The following SYTL4 variants were observed in gnomAD, a reference collection of about 807,000 sequenced individuals.
SYTL4 encodes the protein synaptotagmin like 4.
Under a neutral mutation model 52.7 loss-of-function variants are expected in SYTL4, and 16 were observed. The ratio of observed to expected loss-of-function variants is 0.30; its 90% confidence interval spans 0.21 to 0.46. SYTL4 has a LOEUF of 0.46. Among genes scored for constraint, SYTL4 ranks in the 20% least tolerant of loss-of-function variants. The probability of loss-of-function intolerance (pLI) is 1.00; values close to 1 mark genes in which losing one functional copy is unlikely to be tolerated. For missense variants in SYTL4, 423 were observed against 519.9 expected (o/e 0.81, Z 1.81); for synonymous variants, 160 against 186.6 (o/e 0.86, Z 1.16).
intron 18 of SYTL4, chrX:100,678,801 T>C: frequency 2.4e-6 from 1 of 418,562 alleles, no homozygotes; most frequent in Non-Finnish European, 4.2e-6. Context: ...TCCTTTAACC[T>C]AGAGAGAAAA....
At chrX:100,708,431 T>C (rs1308607653) in intron 2 of SYTL4, among the ~76,000 whole-genome samples, 1 of 111,491 alleles carries the variant, frequency 9.0e-6, no homozygotes, top group Non-Finnish European at 1.9e-5. Context: ...AACAACACAA[T>C]AAGCTTGATC....
chrX:100,692,571 A>G (rs1028895590), intron 8 of SYTL4, among the ~76,000 whole-genome samples: 1 of 111,941 alleles, frequency 8.9e-6, no homozygotes, highest in Admixed American at 9.5e-5. Context: ...TGGGCATTCA[A>G]AATACCAGTT....
intron 2 of SYTL4, among the ~76,000 whole-genome samples, chrX:100,706,751 G>C (rs919059414): frequency 4.1e-4 from 46 of 111,640 alleles, no homozygotes; most frequent in African/African-American, 1.5e-3. Context: ...CCATTTATGA[G>C]AGACACATCT....
intron 2 of SYTL4, among the ~76,000 whole-genome samples, chrX:100,706,154 A>G (rs778487531): frequency 7.1e-5 from 8 of 111,912 alleles, no homozygotes; most frequent in Non-Finnish European, 1.5e-4. Flanking sequence ...CAGGTTCTAC[A>G]TAATTCCTGG....
At chrX:100,699,896 T>C (rs2083812251) in intron 8 of SYTL4, among the ~76,000 whole-genome samples, 2 of 110,974 alleles carry the variant, frequency 1.8e-5, no homozygotes, top group Non-Finnish European at 3.8e-5. Flanking sequence ...ATTATTTGGC[T>C]ATAAAAAGGA....
At chrX:100,702,952 A>G (rs989220890) in intron 4 of SYTL4, 141 bp downstream of exon 4, 9 of 112,226 alleles carry the variant, frequency 8.0e-5, no homozygotes, top group Non-Finnish European at 1.7e-4. Flanking sequence ...AATTTCACAG[A>G]AGAGGTGGAT....
Position 100,686,784 on chromosome X carries a change from A to G in SYTL4, c.1185-3T>C, listed in dbSNP as rs1454738809. The G allele has an allele frequency of 8.4e-7, 1 of 1,195,368 alleles. No homozygotes were observed. Among genetic ancestry groups the G allele is most frequent in the Non-Finnish European group, 1.1e-6 (1 of 880,938 alleles). ...GCAGAAGGTAAGTCTTCACATATCT[A>G]GAAACCAAAGACAGCACTGAGTAAT... is the stretch of plus-strand genomic sequence containing the variant. On this transcript the variant is annotated splice_polypyrimidine_tract_variant and splice_region_variant and intron_variant, in intron 14 of 19. Coordinates refer to ENST00000372989, the MANE Select transcript of SYTL4 (RefSeq NM_001370165.1).
chrX:100,699,994 T>C (rs1281849004), intron 8 of SYTL4, among the ~76,000 whole-genome samples: 1 of 111,448 alleles, frequency 9.0e-6, no homozygotes, highest in Non-Finnish European at 1.9e-5. Context: ...GACCACATAT[T>C]GTATGATTCA....
intron 1 of SYTL4, among the ~76,000 whole-genome samples, 192 bp downstream of exon 1, chrX:100,731,812 G>C (rs1383070850): frequency 8.9e-6 from 1 of 111,801 alleles, no homozygotes; most frequent in Admixed American, 9.4e-5. Context: ...GGATGCGGTC[G>C]GGAGAGGCGG....
At chrX:100,721,738 T>G (rs1345423881) in intron 2 of SYTL4, among the ~76,000 whole-genome samples, 1 of 111,474 alleles carries the variant, frequency 9.0e-6, no homozygotes, top group Non-Finnish European at 1.9e-5. Flanking sequence ...TAGACCCTTC[T>G]GCTTTCACCT....
Position 100,709,406 on chromosome X carries a change from G to C in SYTL4, c.-239-4520C>G, listed in dbSNP as rs1602870318. The stretch of plus-strand genomic sequence containing the variant: ...TAGTCCCAGATACTCAGGACGCTGA[G>C]GCAGAGAATGGCTCGAACCTGGGAG... On this transcript the variant is annotated intron_variant, in intron 2 of 19. Transcript: ENST00000372989. 2.7e-5 allele frequency among the ~76,000 whole-genome samples: 3 copies of C among 112,012 alleles called. 1 individual carries two copies. In the Admixed American group the frequency reaches 2.8e-4, roughly 11 times the overall value.
chrX:100,698,070 G>T (rs1173500488), intron 8 of SYTL4, among the ~76,000 whole-genome samples: 1 of 112,029 alleles, frequency 8.9e-6, no homozygotes, highest in Non-Finnish European at 1.9e-5. Context: ...GATCACCATT[G>T]AGTTACAACC....
Position 100,701,603 on chromosome X carries a change from G to A in SYTL4, c.181C>T (p.Arg61Trp), listed in dbSNP as rs151147513. 391 of 1,209,954 alleles carry A rather than the reference G, an allele frequency of 3.2e-4. 1 individual carries two copies. The highest frequency in any genetic ancestry group is 2.9e-3 in the South Asian group (163 of 56,773). The change falls in exon 6 of 20, where the codon CGG becomes TGG. Residue 61 changes from arginine (R) to tryptophan (W), a missense_variant. Coordinates refer to ENST00000372989, the MANE Select transcript of SYTL4 (RefSeq NM_001370165.1). Reference sequence around the variant, plus strand: ...CTCTCCTGGCACCGGGCACAGGTCCGATCACTGTAGTGTTGGCTGCCCCTC... The same window carrying A: ...CTCTCCTGGCACCGGGCACAGGTCCAATCACTGTAGTGTTGGCTGCCCCTC... The part of the protein sequence containing the change: ...AKRGSQHYSD[R>W]TCARCQESLG...
intron 2 of SYTL4, among the ~76,000 whole-genome samples, chrX:100,715,545 T>C (rs1010044801): frequency 7.2e-5 from 8 of 111,803 alleles, no homozygotes; most frequent in Non-Finnish European, 1.5e-4. Flanking sequence ...TAGGAAAGAA[T>C]AAATCATTCT....
In SYTL4 at chrX:100,686,754, G is replaced by A. The variant is rs1363609407; in HGVS notation, c.1212C>T (p.Asp404=). Residue 404 remains aspartate, a synonymous_variant, in exon 15 of 20, where the codon GAC becomes GAT. Coordinates refer to ENST00000372989, the MANE Select transcript of SYTL4 (RefSeq NM_001370165.1). Reference sequence around the variant, plus strand: ...TTTTTCTTTTTCCTTGGCGGGACTTGTCAGGCAGAAGGTAAGTCTTCACAT... The same window carrying A: ...TTTTTCTTTTTCCTTGGCGGGACTTATCAGGCAGAAGGTAAGTCTTCACAT... ...NPYVKTYLLP[D]KSRQGKRKTS... The A allele has an allele frequency of 5.0e-6, 6 of 1,210,796 alleles. No homozygotes were observed. Among genetic ancestry groups the A allele is most frequent in the Non-Finnish European group, 6.7e-6 (6 of 894,675 alleles).
chrX:100,731,126 A>G (rs909428781), intron 2 of SYTL4, among the ~76,000 whole-genome samples: 1 of 111,761 alleles, frequency 8.9e-6, no homozygotes, highest in Non-Finnish European at 1.9e-5. Context: ...ACCACTTTTC[A>G]AGCCACCAGA....
Position 100,704,895 on chromosome X carries a change from C to G in SYTL4, c.-239-9G>C, listed in dbSNP as rs1401459409. ...CTTTTTTTACTAGTTCCCTACAAAACAGTGGAGAACATAAACAACACGGCA... is the reference window on the plus strand; with the variant it reads ...CTTTTTTTACTAGTTCCCTACAAAAGAGTGGAGAACATAAACAACACGGCA... On this transcript the variant is annotated splice_polypyrimidine_tract_variant and intron_variant, in intron 2 of 19. Coordinates refer to ENST00000372989, the MANE Select transcript of SYTL4 (RefSeq NM_001370165.1). The G allele has an allele frequency of 1.8e-5, 2 of 111,923 alleles. No homozygotes were observed. The highest frequency in any genetic ancestry group is 9.5e-5 in the Admixed American group (1 of 10,544). 9.2% of individuals were successfully genotyped at this position (111,923 alleles called of 1,213,427 possible).
intron 13 of SYTL4, chrX:100,688,027 G>T: frequency 5.5e-6 from 1 of 181,205 alleles, no homozygotes; most frequent in Non-Finnish European, 1.0e-5. Context: ...TTTGGAATGG[G>T]CTATGATGAA....
chrX:100,711,364 C>A (rs1345520053), intron 2 of SYTL4, among the ~76,000 whole-genome samples: 4 of 111,034 alleles, frequency 3.6e-5, no homozygotes, highest in Non-Finnish European at 5.7e-5. Flanking sequence ...TCAAAAAGAC[C>A]AAGAACTGAC....
Sources: allele counts gnomAD v4.1 joint callset (sites outside exome capture counted in the v4.1 genomes callset), GRCh38; gene constraint gnomAD v4.1.1; transcripts MANE v1.5; gene names NCBI Gene and HGNC (gene_info 2026-07-23, HGNC 2026-07-21).